Variants in DCC observed in about 807,000 individuals in gnomAD.
DCC encodes the protein netrin receptor DCC.
DCC carries 58 observed loss-of-function variants against 172.5 expected under a neutral mutation model. That is an observed-to-expected ratio of 0.34 (90% CI 0.27 to 0.42). The LOEUF (loss-of-function observed/expected upper bound fraction) is 0.42, where lower values mean the gene tolerates loss of function less well. Among genes scored for constraint, DCC ranks in the 10% least tolerant of loss-of-function variants. DCC has a pLI of 1.00. For synonymous variants in DCC, 709 were observed against 644.5 expected (o/e 1.10, Z -1.52); for missense variants, 1,740 against 1,791.0 (o/e 0.97, Z 0.51).
intron 15 of DCC, among the ~76,000 whole-genome samples, chr18:53,364,339 A>G (rs1319064279): frequency 6.6e-6 from 1 of 151,954 alleles, no homozygotes; most frequent in East Asian, 1.9e-4. Context: ...TTCTTTTTTC[A>G]TAATTAGCAG....
intron 1 of DCC, among the ~76,000 whole-genome samples, chr18:52,471,992 AAG>A (rs1988960844): frequency 6.6e-6 from 1 of 152,076 alleles, no homozygotes; most frequent in South Asian, 2.1e-4. Flanking sequence ...AGAAGGGAGG[AAG>A]GGATCTTCTT....
intron 1 of DCC, among the ~76,000 whole-genome samples, chr18:52,499,683 G>A (rs1261463169): frequency 6.6e-6 from 1 of 152,032 alleles, no homozygotes; most frequent in Non-Finnish European, 1.5e-5. Context: ...TAAATATGAG[G>A]TCACTGTGAG....
At chr18:53,199,343 G>A (rs1360404519) in intron 9 of DCC, among the ~76,000 whole-genome samples, 5 of 151,876 alleles carry the variant, frequency 3.3e-5, no homozygotes, top group South Asian at 2.1e-4. Flanking sequence ...CTCCCACCTC[G>A]GCCTCCCAAA....
chr18:53,249,299 A>C (rs1348827263), intron 12 of DCC, among the ~76,000 whole-genome samples: 3 of 151,966 alleles, frequency 2.0e-5, no homozygotes, highest in African/African-American at 7.2e-5. Context: ...AACAAAAATA[A>C]ATTGCCAATG....
intron 1 of DCC, among the ~76,000 whole-genome samples, chr18:52,476,578 C>T (rs1989100577): frequency 6.6e-6 from 1 of 152,158 alleles, no homozygotes; most frequent in African/African-American, 2.4e-5. Context: ...TACTTTCTTT[C>T]ACCTTTAAAC....
intron 1 of DCC, among the ~76,000 whole-genome samples, chr18:52,456,204 A>G (rs1988452345): frequency 6.6e-6 from 1 of 152,140 alleles, no homozygotes. Flanking sequence ...GAAGCTTCAG[A>G]TATTTCTGGA....
intron 5 of DCC, among the ~76,000 whole-genome samples, chr18:52,930,800 G>A (rs1056216566): frequency 1.3e-5 from 2 of 151,932 alleles, no homozygotes; most frequent in African/African-American, 4.8e-5. Context: ...TGTTGTGTAT[G>A]CCTTTGCATT....
chr18:53,116,016 T>C (rs1033934055), intron 7 of DCC, among the ~76,000 whole-genome samples: 1 of 151,522 alleles, frequency 6.6e-6, no homozygotes, highest in African/African-American at 2.4e-5. Flanking sequence ...TAGATAAATT[T>C]ATGGGTCTGC....
intron 1 of DCC, among the ~76,000 whole-genome samples, chr18:52,742,916 G>A (rs2145117092): frequency 6.6e-6 from 1 of 152,242 alleles, no homozygotes; most frequent in African/African-American, 2.4e-5. Flanking sequence ...CATTATAAAT[G>A]AAGAAATAAT....
intron 1 of DCC, among the ~76,000 whole-genome samples, chr18:52,511,559 G>A (rs979951615): frequency 2.0e-5 from 3 of 152,116 alleles, no homozygotes; most frequent in Admixed American, 1.3e-4. Context: ...GACCTGGGGG[G>A]CAGAGGAGTG....
At chr18:52,951,182 G>A (rs920613774) in intron 5 of DCC, among the ~76,000 whole-genome samples, 5 of 152,014 alleles carry the variant, frequency 3.3e-5, no homozygotes, top group African/African-American at 1.2e-4. Context: ...GGCAGGAGTG[G>A]CACTGACATG....
At chr18:52,996,772 CTTTTTTTTTTTTT>C (rs66600556) in intron 5 of DCC, among the ~76,000 whole-genome samples, 2 of 117,168 alleles carry the variant, frequency 1.7e-5, no homozygotes, top group African/African-American at 6.4e-5. Flanking sequence ...TCACCTTTTT[CTTTTTTTTTTTTT>C]TTTTTTGCCT....
chr18:52,907,830 G>A (rs546155813), intron 3 of DCC, among the ~76,000 whole-genome samples: 1 of 152,278 alleles, frequency 6.6e-6, no homozygotes, highest in Non-Finnish European at 1.5e-5. Context: ...GCCCATTAGA[G>A]TTCTGGGTGG....
Position 53,307,893 on chromosome 18 carries a change from GTATGTATATATA to G in DCC, c.2053+2178_2053+2189del, listed in dbSNP as rs1394115682. The stretch of plus-strand genomic sequence containing the variant: ...AACCCTTCTGGAAAGCAATGTGTGT[GTATGTATATATA>G]TATATATATATATATATATATATAT... On this transcript the variant is annotated intron_variant, in intron 13 of 28. Transcript: ENST00000442544. Among the ~76,000 whole-genome samples, 286 of 97,544 alleles carry G rather than the reference GTATGTATATATA, an allele frequency of 2.9e-3. 18 individuals carry two copies. The highest frequency in any genetic ancestry group is 4.1e-3 in the Non-Finnish European group (222 of 54,126). The allele number at this position is 97,544 out of a possible 152,430, so 64.0% of individuals were successfully genotyped here.
intron 5 of DCC, chr18:52,965,217 A>C (rs188350554): frequency 6.6e-6 from 1 of 152,336 alleles, no homozygotes; most frequent in Admixed American, 6.5e-5. Flanking sequence ...AATACTTTAA[A>C]TGTTGCTGTG....
intron 3 of DCC, among the ~76,000 whole-genome samples, chr18:52,919,761 AC>A (rs2040092293): frequency 6.6e-6 from 1 of 152,090 alleles, no homozygotes; most frequent in Non-Finnish European, 1.5e-5. Context: ...AAGACAAGAG[AC>A]CCAGAATAGA....
intron 5 of DCC, among the ~76,000 whole-genome samples, chr18:52,929,700 G>A: frequency 6.6e-6 from 1 of 151,898 alleles, no homozygotes; most frequent in Non-Finnish European, 1.5e-5. Flanking sequence ...AAATAAATGT[G>A]GAGGTATAAA....
intron 1 of DCC, among the ~76,000 whole-genome samples, chr18:52,742,394 T>C (rs1042594861): frequency 6.6e-6 from 1 of 152,198 alleles, no homozygotes; most frequent in African/African-American, 2.4e-5. Context: ...TTCTTTATTG[T>C]CTGTTCCTTC....
At chr18:52,991,695 A>G (rs1040749517) in intron 5 of DCC, among the ~76,000 whole-genome samples, 2 of 152,170 alleles carry the variant, frequency 1.3e-5, no homozygotes, top group Non-Finnish European at 2.9e-5. Flanking sequence ...AACTGATCAT[A>G]TCTAAAGTGC....
Sources: gnomAD v4.1 joint callset for allele counts (sites outside exome capture counted in the v4.1 genomes callset) on GRCh38, gnomAD v4.1.1 for gene constraint, MANE v1.5 for transcripts, NCBI Gene and HGNC (gene_info 2026-07-23, HGNC 2026-07-21) for gene names.